CACNA2D1: variants seen among roughly 807,000 people sequenced by gnomAD.
CACNA2D1 encodes the protein voltage-dependent calcium channel subunit alpha-2/delta-1.
Under a neutral mutation model 171.5 loss-of-function variants are expected in CACNA2D1, and 53 were observed. That is an observed-to-expected ratio of 0.31 (90% CI 0.25 to 0.39). The LOEUF (loss-of-function observed/expected upper bound fraction) is 0.39, where lower values mean the gene tolerates loss of function less well. CACNA2D1 is among the 10% of genes least tolerant of loss of function. The pLI, the probability that CACNA2D1 is intolerant of heterozygous loss-of-function variation, is 1.00. For synonymous variants in CACNA2D1, 442 were observed against 443.1 expected (o/e 1.00, Z 0.03); for missense variants, 903 against 1,299.8 (o/e 0.69, Z 4.69).
intron 36 of CACNA2D1, 132 bp from the exon 37 acceptor site, chr7:81,959,961 TAGG>T: frequency 7.3e-7 from 1 of 1,362,358 alleles, no homozygotes; most frequent in South Asian, 1.4e-5. Flanking sequence ...CCCAGCACAA[TAGG>T]AGTATGATTT....
At chr7:82,333,035 C>A (rs550753593) in intron 3 of CACNA2D1, among the ~76,000 whole-genome samples, 1 of 151,962 alleles carries the variant, frequency 6.6e-6, no homozygotes, top group African/African-American at 2.4e-5. Flanking sequence ...TAAACTGAAG[C>A]TCCAGCATTA....
chr7:82,282,784 A>G (rs760180010), intron 3 of CACNA2D1, among the ~76,000 whole-genome samples: 1 of 151,986 alleles, frequency 6.6e-6, no homozygotes, highest in Non-Finnish European at 1.5e-5. Context: ...GACATCTTTG[A>G]GGATATTTCT....
chr7:82,260,918 T>C (rs949449323), intron 3 of CACNA2D1, among the ~76,000 whole-genome samples: 5 of 152,082 alleles, frequency 3.3e-5, no homozygotes, highest in African/African-American at 9.7e-5. Flanking sequence ...GAGATATATA[T>C]ATAAAATAAA....
At chr7:82,360,589 T>C (rs1478113093) in intron 1 of CACNA2D1, among the ~76,000 whole-genome samples, 1 of 152,174 alleles carries the variant, frequency 6.6e-6, no homozygotes, top group Non-Finnish European at 1.5e-5. Context: ...GCAAACAGAC[T>C]TGACATACAA....
At chr7:82,078,554 G>A (rs377258961) in intron 7 of CACNA2D1, among the ~76,000 whole-genome samples, 67 of 152,244 alleles carry the variant, frequency 4.4e-4, no homozygotes, top group African/African-American at 1.6e-3. Context: ...ATTTTCCAAT[G>A]AGCACATATT....
chr7:81,988,411 A>G (rs189097637), intron 21 of CACNA2D1, among the ~76,000 whole-genome samples: 9 of 152,312 alleles, frequency 5.9e-5, no homozygotes, highest in Admixed American at 4.6e-4. Context: ...TAATTAAAAC[A>G]GCCATTCTGG....
intron 1 of CACNA2D1, among the ~76,000 whole-genome samples, chr7:82,435,197 G>A (rs780053076): frequency 1.5e-4 from 23 of 151,720 alleles, no homozygotes; most frequent in Non-Finnish European, 2.5e-4. Flanking sequence ...CATCACACCC[G>A]GCTAATTTTT....
At chr7:82,397,397 C>T (rs779682216) in intron 1 of CACNA2D1, among the ~76,000 whole-genome samples, 18 of 152,062 alleles carry the variant, frequency 1.2e-4, no homozygotes, top group Non-Finnish European at 1.9e-4. Context: ...ATTCTTCTGA[C>T]ATTCTTTTGG....
intron 3 of CACNA2D1, among the ~76,000 whole-genome samples, chr7:82,192,485 T>C (rs1798421928): frequency 8.5e-6 from 1 of 117,352 alleles, no homozygotes. Context: ...TGTGTGTGTG[T>C]GTGTGTGTGT....
At chr7:82,144,822 A>G (rs1377793973) in intron 4 of CACNA2D1, among the ~76,000 whole-genome samples, 1 of 152,026 alleles carries the variant, frequency 6.6e-6, no homozygotes, top group Non-Finnish European at 1.5e-5. Flanking sequence ...ATAACTCTAC[A>G]TTTTGATTGC....
intron 3 of CACNA2D1, among the ~76,000 whole-genome samples, chr7:82,259,779 T>C (rs564953100): frequency 2.5e-4 from 38 of 152,264 alleles, no homozygotes; most frequent in South Asian, 6.2e-4. Context: ...ATTGGTTAGG[T>C]TTGGTTTGAC....
intron 4 of CACNA2D1, among the ~76,000 whole-genome samples, chr7:82,163,219 T>A (rs551353832): frequency 3.9e-5 from 6 of 152,104 alleles, no homozygotes; most frequent in Non-Finnish European, 8.8e-5. Context: ...TGAAGGGAGA[T>A]AGTACCTCTA....
At chr7:82,345,859 G>A (rs1473195841) in intron 2 of CACNA2D1, among the ~76,000 whole-genome samples, 3 of 151,960 alleles carry the variant, frequency 2.0e-5, no homozygotes, top group African/African-American at 7.3e-5. Context: ...TGTTAATACA[G>A]CTTTAATACA....
chr7:82,002,142 T>A (rs868475391), intron 18 of CACNA2D1, among the ~76,000 whole-genome samples: 1 of 150,690 alleles, frequency 6.6e-6, no homozygotes. Context: ...GAAATCCTCA[T>A]CTCCAGAGAT....
Position 82,443,436 on chromosome 7 carries a change from G to A in CACNA2D1, c.24C>T (p.Ala8=). Residue 8 remains alanine (A), a synonymous_variant, in exon 1 of 39, where the codon GCC becomes GCT. Coordinates refer to ENST00000356860, the MANE Select transcript of CACNA2D1 (RefSeq NM_000722.4). ...AAGATTGGAAAAGTGTCAGAGTCAA[G>A]GCCAGCAGGCAGCCAGCAGCCATCT... The part of the protein sequence containing the change: MAAGCLL[A]LTLTLFQSLL... The A allele has an allele frequency of 1.9e-6, 3 of 1,607,830 alleles. No individual in the cohort carries two copies. The highest frequency in any genetic ancestry group is 2.5e-6 in the Non-Finnish European group (3 of 1,176,764).
At chr7:82,036,686 A>G (rs558572395) in intron 11 of CACNA2D1, among the ~76,000 whole-genome samples, 29 of 152,314 alleles carry the variant, frequency 1.9e-4, no homozygotes, top group Admixed American at 1.7e-3. Flanking sequence ...CTATGACAGG[A>G]AATGGTGATG....
intron 32 of CACNA2D1, 111 bp downstream of exon 32, chr7:81,965,483 G>A (rs764386994): frequency 9.4e-6 from 7 of 747,352 alleles, no homozygotes; most frequent in Non-Finnish European, 1.5e-5. Context: ...ATTATTGTAT[G>A]ACAGAAATAA....
chr7:82,401,389 A>T (rs1585824892), intron 1 of CACNA2D1, among the ~76,000 whole-genome samples: 1 of 150,696 alleles, frequency 6.6e-6, no homozygotes, highest in Admixed American at 6.6e-5. Context: ...AAAAATGATG[A>T]GTTCATGTCC....
At position 81,949,158 on chromosome 7, in the gene CACNA2D1, T is replaced by A. The variant is rs752284638; in HGVS notation, c.*1234A>T. The A allele has an allele frequency of 6.6e-6, 1 of 152,066 alleles. No homozygotes were observed. Among genetic ancestry groups the A allele is most frequent in the Non-Finnish European group, 1.5e-5 (1 of 67,956 alleles). The allele number at this position is 152,066 out of a possible 1,614,324, so 9.4% of individuals were successfully genotyped here. On this transcript the variant is annotated 3_prime_UTR_variant, in exon 39 of 39. Transcript: ENST00000356860. ...GAACAAAGAGGAAACCTAGGATGAA[T>A]CTTCATTGAGAACATATATGTACTT... is the stretch of plus-strand genomic sequence containing the variant.
Sources: allele counts gnomAD v4.1 joint callset (sites outside exome capture counted in the v4.1 genomes callset), GRCh38; gene constraint gnomAD v4.1.1; transcripts MANE v1.5; gene names NCBI Gene and HGNC (gene_info 2026-07-23, HGNC 2026-07-21).